The following CST2 variants were observed in gnomAD, a reference collection of about 807,000 sequenced individuals.
CST2 encodes the protein cystatin-SA.
CST2 carries 26 observed loss-of-function variants against 13.4 expected under a neutral mutation model. That is an observed-to-expected ratio of 1.95 (90% confidence interval 1.43 to 2.70). CST2 has a LOEUF of 2.70. Ranked by LOEUF, CST2 falls within the 30% of genes most tolerant of loss-of-function variation. The pLI is 0.00. For missense variants in CST2, 243 were observed against 173.4 expected (o/e 1.40, Z -2.25); for synonymous variants, 105 against 71.1 (o/e 1.48, Z -2.40).
intron 2 of CST2, among the ~76,000 whole-genome samples, chr20:23,824,363 T>G (rs375262883): frequency 3.3e-4 from 50 of 152,212 alleles, no homozygotes; most frequent in South Asian, 1.2e-3. Flanking sequence ...CCTGTGAGGA[T>G]CAGCCTGTGC....
rs377415540 is a variant in CST2, at chr20:23,826,585, C to T, written c.76G>A (p.Glu26Lys). The T allele has an allele frequency of 3.9e-5, 63 of 1,613,728 alleles. No homozygotes were observed. In the South Asian group the frequency reaches 5.7e-4, roughly 15 times the overall value. ...AVALAWSPQE[E>K]DRIIEGGIYD... Reference sequence around the variant, plus strand: ...ATGCCACCCTCGATTATCCTGTCCTCCTCCTGGGGGCTCCAGGCCAGGGCC... The same window carrying T: ...ATGCCACCCTCGATTATCCTGTCCTTCTCCTGGGGGCTCCAGGCCAGGGCC... The change falls in exon 1 of 3, where the codon GAG becomes AAG. Residue 26 changes from glutamate to lysine, a missense_variant. Glu to Lys is a moderately conservative substitution (Grantham distance 56). Transcript: ENST00000304725.
At chr20:23,824,913 C>T (rs1209594782) in intron 2 of CST2, among the ~76,000 whole-genome samples, 1 of 152,024 alleles carries the variant, frequency 6.6e-6, no homozygotes, top group Non-Finnish European at 1.5e-5. Context: ...CACTTGGACC[C>T]CTCAACCCCA....
In CST2 at chr20:23,826,432, C is replaced by G; in HGVS notation, c.228+1G>C. ...ACCCCTCAGGTGGAGGCAGCACCCA[C>G]CTGCTCCCTGGCTCGTAGCACCCGC... On this transcript the variant is annotated splice_donor_variant, in intron 1 of 2. Coordinates refer to ENST00000304725, the MANE Select transcript of CST2 (RefSeq NM_001322.3). LOFTEE classifies it high-confidence loss of function. The G allele has an allele frequency of 6.2e-7, 1 of 1,613,750 alleles. No individual in the cohort carries two copies. The highest frequency in any genetic ancestry group is 1.1e-5 in the South Asian group (1 of 91,060).
intron 2 of CST2, among the ~76,000 whole-genome samples, chr20:23,824,932 T>G (rs144591293): frequency 2.6e-5 from 4 of 152,020 alleles, no homozygotes; most frequent in African/African-American, 9.7e-5. Context: ...CATGGATCTA[T>G]GTACAAACCC....
In CST2 at chr20:23,826,521, G is replaced by A. The variant is rs142646483; in HGVS notation, c.140C>T (p.Ala47Val). The change falls in exon 1 of 3, where the codon GCC (alanine) becomes GTC (valine). Residue 47 changes from alanine to valine, a missense_variant. Physicochemically the swap from Ala to Val is moderately conservative, Grantham distance 64. Coordinates refer to ENST00000304725, the MANE Select transcript of CST2 (RefSeq NM_001322.3). Reference sequence around the variant, plus strand: ...ATACTCGCTGATGACAAAGTGAAGGGCACGCTGTACCCGCTCATCATTGAG... The same window carrying A: ...ATACTCGCTGATGACAAAGTGAAGGACACGCTGTACCCGCTCATCATTGAG... ...ADLNDERVQR[A>V]LHFVISEYNK... The A allele has an allele frequency of 1.1e-5, 18 of 1,614,020 alleles. No homozygotes were observed. Among genetic ancestry groups the A allele is most frequent in the South Asian group, 3.3e-5 (3 of 91,082 alleles).
chr20:23,824,244 C>T (rs896538027), intron 2 of CST2, 141 bp from the exon 3 acceptor site: 62 of 809,184 alleles, frequency 7.7e-5, no homozygotes, highest in Non-Finnish European at 1.1e-4. Flanking sequence ...AGTCCCAGAG[C>T]ACTGAACTAG....
chr20:23,825,313 C>T lies in CST2; in HGVS notation c.239G>A (p.Gly80Glu), dbSNP rs200309868. 1.3e-6 allele frequency: 2 copies of T among 1,527,694 alleles called. No homozygotes were observed. The highest frequency in any genetic ancestry group is 2.4e-5 in the South Asian group (2 of 82,004). The allele number at this position is 1,527,694 out of a possible 1,614,324, so 94.6% of individuals were successfully genotyped here. A position where few individuals can be genotyped will look rare whatever the true frequency, so the allele number is the denominator to read the frequency against. Residue 80 changes from glycine (G) to glutamate (E), a missense_variant, in exon 2 of 3, where the codon GGG becomes GAG. Gly to Glu is a moderately conservative substitution (Grantham distance 98). Transcript: ENST00000304725. Reference protein sequence around the residue: ...VLRAREQIVGGVNYFFDIEVG... With the variant: ...VLRAREQIVGEVNYFFDIEVG... The stretch of plus-strand genomic sequence containing the variant: ...CTCTATGTCGAAGAAGTAATTCACC[C>T]CGCCCACGATCTACACACATGAGAA...
intron 1 of CST2, among the ~76,000 whole-genome samples, chr20:23,825,588 A>C (rs1450034961): frequency 6.6e-6 from 1 of 151,980 alleles, no homozygotes; most frequent in African/African-American, 2.4e-5. Flanking sequence ...GGGAACACTG[A>C]CTCTTTTTAC....
chr20:23,824,673 T>G (rs758089470), intron 2 of CST2, among the ~76,000 whole-genome samples: 48 of 152,060 alleles, frequency 3.2e-4, no homozygotes, highest in Non-Finnish European at 5.7e-4. Context: ...CTGATCATTG[T>G]GTCTGTGGCT....
chr20:23,825,487 G>A (rs1463894104), intron 1 of CST2, among the ~76,000 whole-genome samples, 164 bp from the exon 2 acceptor site: 2 of 152,256 alleles, frequency 1.3e-5, no homozygotes, highest in Non-Finnish European at 2.9e-5. Context: ...AGCTGGCAGG[G>A]TGCTGGGCCT....
At chr20:23,826,393 G>A (rs1238209658) in intron 1 of CST2, 40 bp downstream of exon 1, 1 of 1,561,956 alleles carries the variant, frequency 6.4e-7, no homozygotes, top group Admixed American at 1.7e-5. Context: ...CAACAAACAA[G>A]GCTGGGACTC....
chr20:23,824,269 G>A (rs1984757202), intron 2 of CST2, among the ~76,000 whole-genome samples, 166 bp from the exon 3 acceptor site: 1 of 149,646 alleles, frequency 6.7e-6, no homozygotes, highest in African/African-American at 2.5e-5. Flanking sequence ...AATAGTGACT[G>A]TTCCATTGCC....
At chr20:23,826,311 G>A (rs185022318) in intron 1 of CST2, 122 bp downstream of exon 1, 186 of 816,720 alleles carry the variant, frequency 2.3e-4, no homozygotes, top group Middle Eastern at 1.4e-3. Flanking sequence ...GTCAGGGAAA[G>A]CTGAATGAAT....
Position 23,824,123 on chromosome 20 carries a change from G to A in CST2, c.343-20C>T, listed in dbSNP as rs778818134. 5.6e-6 allele frequency: 9 copies of A among 1,612,358 alleles called. No individual in the cohort carries two copies. Among genetic ancestry groups the A allele is most frequent in the Non-Finnish European group, 5.1e-6 (6 of 1,178,450 alleles). On this transcript the variant is annotated intron_variant, in intron 2 of 2. Transcript: ENST00000304725. Reference sequence around the variant, plus strand: ...CTGTTTCTGTGAAAGGGAAGAGAGAGGGCCAATCAGTGTGAGTTACAGTTA... The same window carrying A: ...CTGTTTCTGTGAAAGGGAAGAGAGAAGGCCAATCAGTGTGAGTTACAGTTA...
chr20:23,823,816 T>A lies in CST2; in HGVS notation c.*204A>T, dbSNP rs1010978512. On this transcript the variant is annotated 3_prime_UTR_variant, in exon 3 of 3. Coordinates refer to ENST00000304725, the MANE Select transcript of CST2 (RefSeq NM_001322.3). ...AGGAGGTGGGGGTGTGTGTACCATGTACCAGGGCTATGAGAAGCAAAAGGA... is the reference window on the plus strand; with the variant it reads ...AGGAGGTGGGGGTGTGTGTACCATGAACCAGGGCTATGAGAAGCAAAAGGA... 6.7e-6 allele frequency: 4 copies of A among 594,202 alleles called. No individual in the cohort carries two copies. Among genetic ancestry groups the A allele is most frequent in the Non-Finnish European group, 6.0e-6 (2 of 331,286 alleles). The allele number at this position is 594,202 out of a possible 1,614,324, so 36.8% of individuals were successfully genotyped here.
chr20:23,826,337 T>A (rs1984835242), intron 1 of CST2, 96 bp downstream of exon 1: 2 of 961,154 alleles, frequency 2.1e-6, no homozygotes, highest in Admixed American at 4.1e-5. Context: ...CATTAGATCA[T>A]GAATGTATCA....
chr20:23,824,946 G>C (rs183006027), intron 2 of CST2, among the ~76,000 whole-genome samples: 1 of 151,986 alleles, frequency 6.6e-6, no homozygotes, highest in East Asian at 1.9e-4. Flanking sequence ...CAAACCCCCA[G>C]AATCCCCACA....
At chr20:23,824,264 T>C (rs1226127452) in intron 2 of CST2, among the ~76,000 whole-genome samples, 161 bp from the exon 3 acceptor site, 3 of 150,770 alleles carry the variant, frequency 2.0e-5, no homozygotes, top group African/African-American at 7.4e-5. Context: ...GAATGAATAG[T>C]GACTGTTCCA....
In CST2 at chr20:23,823,970, A is replaced by G; in HGVS notation, c.*50T>C. 1 of 1,597,802 alleles carries G rather than the reference A, an allele frequency of 6.3e-7. No individual in the cohort carries two copies. Among genetic ancestry groups the G allele is most frequent in the Non-Finnish European group, 8.6e-7 (1 of 1,166,022 alleles). On this transcript the variant is annotated 3_prime_UTR_variant, in exon 3 of 3. Coordinates refer to ENST00000304725, the MANE Select transcript of CST2 (RefSeq NM_001322.3). ...CCACCAGTCCAGGGGTGGGAGCACT[A>G]CAAGGGGTGGGAGTAGGAGGTGGTC...
Sources: allele counts gnomAD v4.1 joint callset (sites outside exome capture counted in the v4.1 genomes callset), GRCh38; gene constraint gnomAD v4.1.1; transcripts MANE v1.5; gene names NCBI Gene and HGNC (gene_info 2026-07-23, HGNC 2026-07-21).